TACR1: variants seen among roughly 807,000 people sequenced by gnomAD.
The protein encoded by TACR1 is tachykinin receptor 1.
Under a neutral mutation model 35.8 loss-of-function variants are expected in TACR1, and 25 were observed. That is an observed-to-expected ratio of 0.70 (90% confidence interval 0.51 to 0.98). The LOEUF (loss-of-function observed/expected upper bound fraction) is 0.98, where lower values mean the gene tolerates loss of function less well. TACR1 is among the 50% of genes least tolerant of loss of function. The probability of loss-of-function intolerance (pLI) is 0.00; values close to 1 mark genes in which losing one functional copy is unlikely to be tolerated. For missense variants in TACR1, 478 were observed against 522.9 expected (o/e 0.91, Z 0.84); for synonymous variants, 195 against 206.7 (o/e 0.94, Z 0.48).
At chr2:75,085,913 G>T (rs545084896) in intron 2 of TACR1, among the ~76,000 whole-genome samples, 1 of 152,264 alleles carries the variant, frequency 6.6e-6, no homozygotes, top group African/African-American at 2.4e-5. Context: ...GTATGCACCA[G>T]TATTTTTAGA....
intron 2 of TACR1, among the ~76,000 whole-genome samples, chr2:75,077,643 G>T (rs1673006291): frequency 6.6e-6 from 1 of 152,144 alleles, no homozygotes; most frequent in South Asian, 2.1e-4. Context: ...TCCATTTATT[G>T]AATTTTTTTG....
At chr2:75,103,198 A>C (rs905151517) in intron 2 of TACR1, among the ~76,000 whole-genome samples, 1 of 152,176 alleles carries the variant, frequency 6.6e-6, no homozygotes, top group Non-Finnish European at 1.5e-5. Flanking sequence ...TTCTAATATC[A>C]TTCCCTAATA....
At chr2:75,082,814 T>G (rs1191948310) in intron 2 of TACR1, among the ~76,000 whole-genome samples, 1 of 152,214 alleles carries the variant, frequency 6.6e-6, no homozygotes, top group East Asian at 1.9e-4. Flanking sequence ...CATTGTAGAT[T>G]CTGGATATTA....
At chr2:75,101,468 C>G (rs1210003810) in intron 2 of TACR1, among the ~76,000 whole-genome samples, 1 of 151,976 alleles carries the variant, frequency 6.6e-6, no homozygotes, top group Non-Finnish European at 1.5e-5. Context: ...ATTATTATTC[C>G]TAATTTTCAT....
At chr2:75,068,744 T>C (rs1183168818) in intron 2 of TACR1, among the ~76,000 whole-genome samples, 2 of 152,146 alleles carry the variant, frequency 1.3e-5, no homozygotes, top group Middle Eastern at 3.2e-3. Context: ...TCACAGAGAC[T>C]ATTGGGTAAA....
chr2:75,122,048 G>C (rs180709873), intron 1 of TACR1, among the ~76,000 whole-genome samples: 1 of 152,146 alleles, frequency 6.6e-6, no homozygotes, highest in Non-Finnish European at 1.5e-5. Context: ...GACACCTGCC[G>C]CACATAGAGC....
chr2:75,121,845 G>A (rs769471386), intron 1 of TACR1, among the ~76,000 whole-genome samples: 4 of 152,252 alleles, frequency 2.6e-5, no homozygotes, highest in South Asian at 2.1e-4. Context: ...TGTCTCTGAC[G>A]TCCATGCGAC....
At chr2:75,197,023 T>C (rs1004343111) in intron 1 of TACR1, among the ~76,000 whole-genome samples, 2 of 152,200 alleles carry the variant, frequency 1.3e-5, no homozygotes, top group Non-Finnish European at 1.5e-5. Context: ...GATTTACAGG[T>C]GTACCTCACT....
intron 1 of TACR1, chr2:75,154,395 GCCAAGAGCGCGCA>G (rs1674754001): frequency 4.0e-5 from 4 of 100,358 alleles, no homozygotes; most frequent in Non-Finnish European, 7.3e-5. Context: ...GAGATAATCA[GCCAAGAGCGCGCA>G]CGCACACACA....
intron 1 of TACR1, among the ~76,000 whole-genome samples, chr2:75,145,072 T>C (rs1308401780): frequency 6.6e-6 from 1 of 152,116 alleles, no homozygotes; most frequent in Non-Finnish European, 1.5e-5. Context: ...ATGGATCCTT[T>C]CTAGAAAAAG....
At chr2:75,155,703 A>G (rs994415054) in intron 1 of TACR1, among the ~76,000 whole-genome samples, 11 of 152,220 alleles carry the variant, frequency 7.2e-5, no homozygotes, top group Non-Finnish European at 1.0e-4. Context: ...TATCATATCC[A>G]CATAACAAGA....
At chr2:75,126,859 G>C (rs890301462) in intron 1 of TACR1, among the ~76,000 whole-genome samples, 2 of 152,076 alleles carry the variant, frequency 1.3e-5, no homozygotes, top group Non-Finnish European at 2.9e-5. Context: ...TTTCAAAGAA[G>C]ACATACCTGT....
At chr2:75,147,713 A>T (rs1004437222) in intron 1 of TACR1, among the ~76,000 whole-genome samples, 9 of 149,506 alleles carry the variant, frequency 6.0e-5, no homozygotes, top group Non-Finnish European at 1.0e-4. Context: ...TTTCAGCTTC[A>T]TCCAAGTCCC....
At chr2:75,115,738 C>T (rs1337035433) in intron 2 of TACR1, among the ~76,000 whole-genome samples, 1 of 151,794 alleles carries the variant, frequency 6.6e-6, no homozygotes, top group African/African-American at 2.4e-5. Flanking sequence ...AACCCCGTCT[C>T]TGCTAAAAAT....
chr2:75,178,373 C>T (rs560159978), intron 1 of TACR1, among the ~76,000 whole-genome samples: 50 of 152,030 alleles, frequency 3.3e-4, no homozygotes, highest in African/African-American at 5.8e-4. Context: ...TTAGTAGAGA[C>T]GGGGTTTCAC....
chr2:75,185,376 T>C (rs919641997), intron 1 of TACR1, among the ~76,000 whole-genome samples: 1 of 152,014 alleles, frequency 6.6e-6, no homozygotes, highest in African/African-American at 2.4e-5. Context: ...GGCAGATAGA[T>C]ATAACAACAT....
chr2:75,078,140 AACAGTGGC>A (rs1339968105), intron 2 of TACR1, among the ~76,000 whole-genome samples: 7 of 152,212 alleles, frequency 4.6e-5, no homozygotes, highest in African/African-American at 1.4e-4. Flanking sequence ...GGAGGTCTAG[AACAGTGGC>A]ACAGAGCTTA....
intron 2 of TACR1, among the ~76,000 whole-genome samples, chr2:75,100,301 G>A (rs1048794106): frequency 1.3e-5 from 2 of 152,232 alleles, no homozygotes; most frequent in African/African-American, 4.8e-5. Flanking sequence ...TTGGCAGAGT[G>A]CCTGGAACAT....
At chr2:75,067,726 A>G (rs75094948) in intron 2 of TACR1, among the ~76,000 whole-genome samples, 3,446 of 152,216 alleles carry the variant, frequency 0.023, 98 homozygotes, top group East Asian at 0.076. Context: ...CCCCATGCAG[A>G]GACAAAAGCA....
Sources: gnomAD v4.1 joint callset for allele counts (sites outside exome capture counted in the v4.1 genomes callset) on GRCh38, gnomAD v4.1.1 for gene constraint, MANE v1.5 for transcripts, NCBI Gene and HGNC (gene_info 2026-07-23, HGNC 2026-07-21) for gene names.